Variants in PLK1 observed in about 807,000 individuals in gnomAD.
PLK1 encodes the protein serine/threonine-protein kinase PLK1.
Under a neutral mutation model 56.7 loss-of-function variants are expected in PLK1, and 6 were observed. The ratio of observed to expected loss-of-function variants is 0.11; its 90% CI spans 0.06 to 0.21. PLK1 has a LOEUF of 0.21. Ranked by LOEUF, PLK1 falls within the 10% of genes least tolerant of loss-of-function variation. The probability of loss-of-function intolerance (pLI) is 1.00; values close to 1 mark genes in which losing one functional copy is unlikely to be tolerated. For missense variants in PLK1, 546 were observed against 814.4 expected (o/e 0.67, Z 4.01); for synonymous variants, 298 against 325.0 (o/e 0.92, Z 0.89).
intron 5 of PLK1, chr16:23,687,215 T>TAG (rs1959442153): frequency 3.5e-6 from 1 of 286,818 alleles, no homozygotes; most frequent in Non-Finnish European, 6.5e-6. Context: ...TTCAAGCTGT[T>TAG]TGCCTGAGTG....
At position 23,680,993 on chromosome 16, in the gene PLK1, T is replaced by TC; in HGVS notation, c.660dup (p.Glu221ArgfsTer32). On this transcript the variant is annotated frameshift_variant, in exon 3 of 10. Coordinates refer to ENST00000300093, the MANE Select transcript of PLK1 (RefSeq NM_005030.6). LOFTEE classifies it high-confidence loss of function. ...TGTGTGGGACTCCTAATTACATAGC[T>TC]CCCGAGGTGCTGAGCAAGAAAGGGC... 1 of 1,612,828 alleles carries TC rather than the reference T, an allele frequency of 6.2e-7. No individual in the cohort carries two copies. The highest frequency in any genetic ancestry group is 8.5e-7 in the Non-Finnish European group (1 of 1,179,540).
intron 4 of PLK1, among the ~76,000 whole-genome samples, chr16:23,683,366 C>T (rs892833593): frequency 6.6e-6 from 1 of 152,202 alleles, no homozygotes; most frequent in African/African-American, 2.4e-5. Flanking sequence ...GCCTAGCACA[C>T]AGCCAGTTTG....
Position 23,689,866 on chromosome 16 carries a change from A to T in PLK1, c.1615A>T (p.Thr539Ser). The part of the protein sequence containing the change: ...SVQINFFQDH[T>S]KLILCPLMAA... The stretch of plus-strand genomic sequence containing the variant: ...TGCTGCTCTTCTCTTGCAGGATCAC[A>T]CCAAGCTCATCTTGTGCCCACTGAT... The change falls in exon 10 of 10, where the codon ACC becomes TCC. Residue 539 changes from threonine (T) to serine (S), a missense_variant. Physicochemically the swap from Thr to Ser is moderately conservative, Grantham distance 58 (BLOSUM62 1). Transcript: ENST00000300093. The surrounding 1 kb of genome is among the most constrained non-coding windows in gnomAD (Gnocchi z 4.8). 6.2e-7 allele frequency: 1 copy of T among 1,613,788 alleles called. No individual in the cohort carries two copies. Among genetic ancestry groups the T allele is most frequent in the Non-Finnish European group, 8.5e-7 (1 of 1,179,770 alleles).
At position 23,690,232 on chromosome 16, in the gene PLK1, AC is replaced by A. The variant is rs2141002080; in HGVS notation, c.*170del. ...GGGTTGCTGTATAAGTTATTTTTGT[AC>A]ATGTTCGGGTGTGGGTTCTACAGCC... On this transcript the variant is annotated 3_prime_UTR_variant, in exon 10 of 10. Transcript: ENST00000300093. The A allele has an allele frequency of 1.6e-6, 1 of 625,804 alleles. No homozygotes were observed. The highest frequency in any genetic ancestry group is 2.9e-6 in the Non-Finnish European group (1 of 348,332). 38.8% of individuals were successfully genotyped at this position (625,804 alleles called of 1,614,324 possible).
chr16:23,690,345 A>G lies in PLK1; in HGVS notation c.*282A>G, dbSNP rs1269380655. Reference sequence around the variant, plus strand: ...AACTGTCCTTTCCTTGGCTTTATGCACATTAAACAGATGTGAATATTCTTT... The same window carrying G: ...AACTGTCCTTTCCTTGGCTTTATGCGCATTAAACAGATGTGAATATTCTTT... On this transcript the variant is annotated 3_prime_UTR_variant, in exon 10 of 10. Coordinates refer to ENST00000300093, the MANE Select transcript of PLK1 (RefSeq NM_005030.6). 17 of 546,932 alleles carry G rather than the reference A, an allele frequency of 3.1e-5. No individual in the cohort carries two copies. The highest frequency in any genetic ancestry group is 3.3e-5 in the Non-Finnish European group (10 of 304,282). The allele number at this position is 546,932 out of a possible 1,614,324, so 33.9% of individuals were successfully genotyped here.
chr16:23,680,523 T>C (rs535333424), intron 2 of PLK1, among the ~76,000 whole-genome samples: 3 of 152,348 alleles, frequency 2.0e-5, no homozygotes, highest in Admixed American at 2.0e-4. Context: ...AGCATTTTCT[T>C]AGGGCAGCCC....
Position 23,689,893 on chromosome 16 carries a change from G to A in PLK1, c.1642G>A (p.Ala548Thr), listed in dbSNP as rs1347511762. The part of the protein sequence containing the change: ...HTKLILCPLM[A>T]AVTYIDEKRD... ...CAAGCTCATCTTGTGCCCACTGATG[G>A]CAGCCGTGACCTACATCGACGAGAA... The change falls in exon 10 of 10, where the codon GCA becomes ACA. Residue 548 changes from alanine (A) to threonine (T), a missense_variant. Physicochemically the swap from Ala to Thr is moderately conservative, Grantham distance 58. Coordinates refer to ENST00000300093, the MANE Select transcript of PLK1 (RefSeq NM_005030.6). This position sits in a 1 kb window ranked among gnomAD's most constrained non-coding sequence, Gnocchi z 4.8. The A allele has an allele frequency of 6.2e-7, 1 of 1,614,058 alleles. No individual in the cohort carries two copies. The highest frequency in any genetic ancestry group is 8.5e-7 in the Non-Finnish European group (1 of 1,179,962).
At chr16:23,684,118 G>A in intron 5 of PLK1, 29 bp downstream of exon 5, 1 of 1,572,598 alleles carries the variant, frequency 6.4e-7, no homozygotes, top group Non-Finnish European at 8.8e-7. Context: ...TAAGAGAGCA[G>A]ACCCCCCAGA....
Position 23,689,498 on chromosome 16 carries a change from C to G in PLK1, c.1430C>G (p.Thr477Ser). 1.2e-6 allele frequency: 2 copies of G among 1,607,748 alleles called. No homozygotes were observed. The highest frequency in any genetic ancestry group is 1.7e-6 in the Non-Finnish European group (2 of 1,174,804). ...CCTTACCTACTTTTCATCCAGATCA[C>G]CCTCCTTAAATATTTCCGCAATTAC... ...SHPNSLMKKITLLKYFRNYMS... is the reference protein window; with the variant it reads ...SHPNSLMKKISLLKYFRNYMS... The change falls in exon 9 of 10, where the codon ACC becomes AGC. Residue 477 changes from threonine to serine, a missense_variant. Transcript: ENST00000300093. The surrounding 1 kb of genome is among the most constrained non-coding windows in gnomAD (Gnocchi z 4.8).
chr16:23,680,782 T>C, intron 2 of PLK1, 132 bp from the exon 3 acceptor site: 2 of 845,648 alleles, frequency 2.4e-6, no homozygotes, highest in South Asian at 1.8e-5. Flanking sequence ...CAAGCCTTGC[T>C]ACATACAAGG....
chr16:23,680,391 ATAT>A, intron 2 of PLK1, 139 bp downstream of exon 2: 1 of 642,706 alleles, frequency 1.6e-6, no homozygotes, highest in East Asian at 2.7e-5. Flanking sequence ...CCCCAATGCA[ATAT>A]TTTTTTTTTA....
In PLK1 at chr16:23,689,471, C is replaced by T. The variant is rs748415334; in HGVS notation, c.1426-23C>T. 1.3e-5 allele frequency: 21 copies of T among 1,600,116 alleles called. No individual in the cohort carries two copies. The highest frequency in any genetic ancestry group is 1.7e-5 in the Non-Finnish European group (20 of 1,168,610). On this transcript the variant is annotated intron_variant, in intron 8 of 9. Coordinates refer to ENST00000300093, the MANE Select transcript of PLK1 (RefSeq NM_005030.6). The surrounding 1 kb of genome is among the most constrained non-coding windows in gnomAD (Gnocchi z 4.8). ...GGAGGATCAGACTCTAATTCTGGAA[C>T]CCCTTACCTACTTTTCATCCAGATC...
At chr16:23,684,819 G>A (rs1382778308) in intron 5 of PLK1, among the ~76,000 whole-genome samples, 3 of 151,702 alleles carry the variant, frequency 2.0e-5, no homozygotes, top group African/African-American at 4.8e-5. Context: ...CACCATGCCC[G>A]GCTGTTTTTT....
In PLK1 at chr16:23,678,917, G is replaced by A. The variant is rs1368994416; in HGVS notation, c.-16G>A. The A allele has an allele frequency of 4.7e-6, 7 of 1,496,658 alleles. No homozygotes were observed. The South Asian group carries it at 7.7e-5, about 16-fold the overall frequency. 92.7% of individuals were successfully genotyped at this position (1,496,658 alleles called of 1,614,324 possible). ...GGCTCTGCTCGGATCGAGGTCTGCA[G>A]CGCAGCTTCGGGAGCATGAGTGCTG... On this transcript the variant is annotated 5_prime_UTR_variant, in exon 1 of 10. Coordinates refer to ENST00000300093, the MANE Select transcript of PLK1 (RefSeq NM_005030.6).
chr16:23,690,182 A>G lies in PLK1; in HGVS notation c.*119A>G. ...TGCCCCCCAGCCCCGGTGGCTGGGCAGAGCTGCATCATCCTTGCAGGTGGG... is the reference window on the plus strand; with the variant it reads ...TGCCCCCCAGCCCCGGTGGCTGGGCGGAGCTGCATCATCCTTGCAGGTGGG... On this transcript the variant is annotated 3_prime_UTR_variant, in exon 10 of 10. Transcript: ENST00000300093. 2 of 760,444 alleles carry G rather than the reference A, an allele frequency of 2.6e-6. No individual in the cohort carries two copies. Among genetic ancestry groups the G allele is most frequent in the Non-Finnish European group, 4.6e-6 (2 of 438,268 alleles). The allele number at this position is 760,444 out of a possible 1,614,324, so 47.1% of individuals were successfully genotyped here.
At chr16:23,688,324 G>T (rs1054700771) in intron 6 of PLK1, among the ~76,000 whole-genome samples, 10 of 152,236 alleles carry the variant, frequency 6.6e-5, no homozygotes, top group Admixed American at 3.3e-4. Context: ...TACAACCACA[G>T]TGTAAGCTCC....
At chr16:23,684,933 C>T (rs985819591) in intron 5 of PLK1, among the ~76,000 whole-genome samples, 6 of 121,710 alleles carry the variant, frequency 4.9e-5, no homozygotes, top group Non-Finnish European at 8.0e-5. Context: ...GCTGAGATTA[C>T]AGGCGTGAAC....
intron 3 of PLK1, among the ~76,000 whole-genome samples, chr16:23,681,386 C>T (rs1487736816): frequency 6.6e-6 from 1 of 152,214 alleles, no homozygotes; most frequent in Admixed American, 6.5e-5. Context: ...AGGACCCAGA[C>T]TACTTACTGG....
At chr16:23,686,195 C>T (rs1051186988) in intron 5 of PLK1, among the ~76,000 whole-genome samples, 5 of 151,896 alleles carry the variant, frequency 3.3e-5, no homozygotes, top group African/African-American at 9.7e-5. Context: ...TGTGCCACCG[C>T]GTCTGACCAA....
Sources: allele counts gnomAD v4.1 joint callset (sites outside exome capture counted in the v4.1 genomes callset), GRCh38; gene constraint gnomAD v4.1.1; non-coding constraint Gnocchi (gnomAD v3.1); transcripts MANE v1.5; gene names NCBI Gene and HGNC (gene_info 2026-07-23, HGNC 2026-07-21).